The following LPP variants were observed in gnomAD, a reference collection of about 807,000 sequenced individuals.
LPP encodes the protein lipoma-preferred partner.
In LPP, 38 loss-of-function variants were observed where a neutral mutation model predicts 60.4. The observed-to-expected ratio is 0.63, with a 90% CI of 0.49 to 0.83. The LOEUF is 0.83. Among genes scored for constraint, LPP ranks in the 40% least tolerant of loss-of-function variants. The pLI is 0.00. For synonymous variants in LPP, 328 were observed against 290.8 expected, an observed-to-expected ratio of 1.13 and a Z score of -1.30; for missense variants, 902 against 783.6, an observed-to-expected ratio of 1.15 and a Z score of -1.80.
At chr3:188,520,665 C>T (rs867728392) in intron 5 of LPP, among the ~76,000 whole-genome samples, 1 of 152,138 alleles carries the variant, frequency 6.6e-6, no homozygotes, top group Non-Finnish European at 1.5e-5. Flanking sequence ...GGCCAACATG[C>T]GAGCTTTTCT....
At chr3:188,494,508 T>A (rs1407100928) in intron 5 of LPP, among the ~76,000 whole-genome samples, 1 of 152,140 alleles carries the variant, frequency 6.6e-6, no homozygotes, top group African/African-American at 2.4e-5. Flanking sequence ...TGACTTTCAT[T>A]AAATACCCCT....
chr3:188,674,624 A>T (rs753233559), intron 7 of LPP, among the ~76,000 whole-genome samples: 23 of 152,202 alleles, frequency 1.5e-4, no homozygotes, highest in Non-Finnish European at 2.6e-4. Context: ...CTACTTTTCA[A>T]CAAACATTGG....
At chr3:188,753,814 C>G (rs567646960) in intron 8 of LPP, among the ~76,000 whole-genome samples, 4 of 151,848 alleles carry the variant, frequency 2.6e-5, no homozygotes, top group East Asian at 1.9e-4. Flanking sequence ...GAGGGAAAAA[C>G]AAGAGAGAGG....
At chr3:188,543,357 C>G (rs918733693) in intron 6 of LPP, among the ~76,000 whole-genome samples, 9 of 151,940 alleles carry the variant, frequency 5.9e-5, no homozygotes, top group African/African-American at 2.2e-4. Flanking sequence ...CAGCTGAAAA[C>G]GCGTATTTTC....
At chr3:188,218,183 C>T (rs530343808) in intron 1 of LPP, among the ~76,000 whole-genome samples, 8 of 152,208 alleles carry the variant, frequency 5.3e-5, no homozygotes, top group South Asian at 2.1e-4. Context: ...GACTGGACTG[C>T]GGTCCAAGGG....
At chr3:188,594,041 C>T (rs1235717691) in intron 6 of LPP, among the ~76,000 whole-genome samples, 1 of 152,158 alleles carries the variant, frequency 6.6e-6, no homozygotes, top group Admixed American at 6.6e-5. Context: ...TTAGTGCTCC[C>T]ATGTTCTAAG....
intron 1 of LPP, among the ~76,000 whole-genome samples, chr3:188,220,980 A>G (rs1336786506): frequency 6.6e-6 from 1 of 152,170 alleles, no homozygotes; most frequent in Non-Finnish European, 1.5e-5. Context: ...GGATAGGGCT[A>G]CCATTTAACT....
At chr3:188,403,367 T>C (rs1255082280) in intron 3 of LPP, among the ~76,000 whole-genome samples, 1 of 152,196 alleles carries the variant, frequency 6.6e-6, no homozygotes, top group South Asian at 2.1e-4. Flanking sequence ...AAATACTGCA[T>C]CCTATATTAA....
intron 7 of LPP, among the ~76,000 whole-genome samples, chr3:188,697,859 A>G (rs774920948): frequency 6.5e-4 from 95 of 146,868 alleles, no homozygotes; most frequent in Non-Finnish European, 8.4e-4. Context: ...TGTAATTATC[A>G]GATGTACTAT....
intron 9 of LPP, among the ~76,000 whole-genome samples, chr3:188,834,528 C>A (rs1311944314): frequency 6.6e-6 from 1 of 151,900 alleles, no homozygotes; most frequent in Non-Finnish European, 1.5e-5. Flanking sequence ...GCTTTCTCAT[C>A]TTTGATCCTC....
intron 6 of LPP, among the ~76,000 whole-genome samples, chr3:188,567,545 A>C (rs1832491227): frequency 6.6e-6 from 1 of 151,932 alleles, no homozygotes; most frequent in East Asian, 1.9e-4. Flanking sequence ...AGTGTGTCTA[A>C]AGTGCTTAAA....
intron 10 of LPP, among the ~76,000 whole-genome samples, chr3:188,869,659 A>AACTTTGTT (rs1767577908): frequency 6.6e-6 from 1 of 152,214 alleles, no homozygotes; most frequent in African/African-American, 2.4e-5. Context: ...GGATCTTGTT[A>AACTTTGTT]AACTTTGGAT....
At chr3:188,557,645 C>A (rs1829785451) in intron 6 of LPP, among the ~76,000 whole-genome samples, 1 of 152,006 alleles carries the variant, frequency 6.6e-6, no homozygotes, top group Non-Finnish European at 1.5e-5. Flanking sequence ...GTAGTCCATG[C>A]CACAAACACT....
rs559947074 is a variant in LPP at position 188,796,963 on chromosome 3, C to T, written c.1410+36681C>T. ...CCCGTTTCCTGCCCCCTAAAATGAC[C>T]TATCTTTCCCTTCTAAAACTTCCAC... On this transcript the variant is annotated intron_variant, in intron 9 of 11. Coordinates refer to ENST00000617246, the MANE Select transcript of LPP (RefSeq NM_001375462.1). 2.3e-3 allele frequency among the ~76,000 whole-genome samples: 349 copies of T among 152,242 alleles called. 3 individuals are homozygous for T. The highest frequency in any genetic ancestry group is 2.4e-3 in the Non-Finnish European group (166 of 68,014).
At chr3:188,224,955 A>C (rs1384166734) in intron 1 of LPP, among the ~76,000 whole-genome samples, 2 of 144,388 alleles carry the variant, frequency 1.4e-5, no homozygotes, top group African/African-American at 2.9e-5. Context: ...AAATGTCAAG[A>C]TTGTTTATCC....
chr3:188,531,654 G>A (rs987747796), intron 6 of LPP, among the ~76,000 whole-genome samples: 4 of 152,098 alleles, frequency 2.6e-5, no homozygotes, highest in Non-Finnish European at 4.4e-5. Flanking sequence ...TTTATGCCAG[G>A]AGGGTGGCAT....
chr3:188,174,768 T>C (rs554653023), intron 1 of LPP, among the ~76,000 whole-genome samples: 1 of 152,310 alleles, frequency 6.6e-6, no homozygotes, highest in South Asian at 2.1e-4. Context: ...TTGAATCCAA[T>C]TGATCTTCAA....
At chr3:188,188,884 C>T (rs937392992) in intron 1 of LPP, among the ~76,000 whole-genome samples, 2 of 152,098 alleles carry the variant, frequency 1.3e-5, no homozygotes, top group Admixed American at 1.3e-4. Context: ...GGATCCTTGT[C>T]TTTGAAAAGC....
intron 7 of LPP, among the ~76,000 whole-genome samples, chr3:188,618,645 C>T (rs1034796679): frequency 3.3e-5 from 5 of 152,098 alleles, no homozygotes; most frequent in South Asian, 2.1e-4. Flanking sequence ...GTAGTATTTC[C>T]GGGACATAAC....
Sources: allele counts gnomAD v4.1 joint callset (sites outside exome capture counted in the v4.1 genomes callset), GRCh38; gene constraint gnomAD v4.1.1; transcripts MANE v1.5; gene names NCBI Gene and HGNC (gene_info 2026-07-23, HGNC 2026-07-21).